LIG3: variants seen among roughly 807,000 people sequenced by gnomAD.
LIG3 encodes DNA ligase 3.
A neutral mutation model predicts 110.9 loss-of-function variants in LIG3; 58 were observed. The ratio of observed to expected loss-of-function variants is 0.52; its 90% CI spans 0.42 to 0.65. The LOEUF (loss-of-function observed/expected upper bound fraction) is 0.65. LIG3 is among the 30% of genes least tolerant of loss of function. The pLI is 0.00. For missense variants in LIG3, 1,094 were observed against 1,273.8 expected (o/e 0.86, Z 2.15); for synonymous variants, 422 against 472.8 (o/e 0.89, Z 1.39).
In LIG3 at chr17:35,004,421, G is replaced by T. The variant is rs1273461040; in HGVS notation, c.2945G>T (p.Arg982Met). The T allele has an allele frequency of 6.2e-7, 1 of 1,614,104 alleles. No individual in the cohort carries two copies. Among genetic ancestry groups the T allele is most frequent in the Non-Finnish European group, 8.5e-7 (1 of 1,180,058 alleles). ...MTSATHVLGS[R>M]DKNPAAQQVS... ...TCAGCCACGCACGTGCTGGGTAGCA[G>T]GGACAAGAACCCTGCGGCCCAGCAG... The change falls in exon 20 of 20, where the codon AGG becomes ATG. Residue 982 changes from arginine (R) to methionine (M), a missense_variant. Transcript: ENST00000378526.
At position 34,994,381 on chromosome 17, in the gene LIG3, G is replaced by A. The variant is rs2090757033; in HGVS notation, c.1561G>A (p.Asp521Asn). 1 of 1,614,158 alleles carries A rather than the reference G, an allele frequency of 6.2e-7. No homozygotes were observed. Among genetic ancestry groups the A allele is most frequent in the Non-Finnish European group, 8.5e-7 (1 of 1,180,028 alleles). ...GCGAGTCCAGGTGCATAAGAATGGA[G>A]ACCACTTCAGCTACTTCAGCCGCAG... Reference protein sequence around the residue: ...GERVQVHKNGDHFSYFSRSLK... With the variant: ...GERVQVHKNGNHFSYFSRSLK... Residue 521 changes from aspartate to asparagine, a missense_variant, in exon 9 of 20, where the codon GAC becomes AAC. Asp to Asn is a conservative substitution (Grantham distance 23, BLOSUM62 1). Coordinates refer to ENST00000378526, the MANE Select transcript of LIG3 (RefSeq NM_013975.4).
At position 34,990,973 on chromosome 17, in the gene LIG3, C is replaced by T. The variant is rs201809624; in HGVS notation, c.900C>T (p.His300=). Residue 300 remains histidine, a synonymous_variant, in exon 5 of 20, where the codon CAC becomes CAT. Transcript: ENST00000378526. ...TCCTTCTGTCTCCAGATGGTTTCCA[C>T]GGTGATGTGTACCTAACAGTGAAGC... is the stretch of plus-strand genomic sequence containing the variant. ...LRKGSAGDGF[H]GDVYLTVKLL... is the part of the protein sequence containing the mutation. The T allele has an allele frequency of 1.3e-5, 21 of 1,613,860 alleles. No individual in the cohort carries two copies. Among genetic ancestry groups the T allele is most frequent in the East Asian group, 6.7e-5 (3 of 44,884 alleles).
Position 34,983,148 on chromosome 17 carries a change from C to T in LIG3, c.143C>T (p.Pro48Leu), listed in dbSNP as rs776944632. The change falls in exon 2 of 20, where the codon CCC becomes CTC. Residue 48 changes from proline (P) to leucine (L), a missense_variant. Transcript: ENST00000378526. The stretch of plus-strand genomic sequence containing the variant: ...GAAACAGATCTGCTTCATGGACATC[C>T]CCTCTTCCTGAGAAGAAAGCCTGTT... ...WSETDLLHGH[P>L]LFLRRKPVLS... is the part of the protein sequence containing the mutation. The T allele has an allele frequency of 6.2e-7, 1 of 1,614,144 alleles. No homozygotes were observed. Among genetic ancestry groups the T allele is most frequent in the Non-Finnish European group, 8.5e-7 (1 of 1,180,024 alleles).
chr17:35,010,811 T>G (rs2090933261), downstream of LIG3: 1 of 150,894 alleles, frequency 6.6e-6, no homozygotes, highest in African/African-American at 2.4e-5. Flanking sequence ...GGAAAGGGAA[T>G]GAAAGTAGGG....
chr17:34,992,815 G>A, intron 8 of LIG3, 123 bp downstream of exon 8: 1 of 973,732 alleles, frequency 1.0e-6, no homozygotes, highest in Non-Finnish European at 1.4e-6. Context: ...TTTAGGGAAG[G>A]AAGAGGGAGG....
In LIG3 at chr17:35,005,854, AAAG is replaced by A; in HGVS notation, c.*1351_*1353del. 1 of 393,456 alleles carries A rather than the reference AAAG, an allele frequency of 2.5e-6. No homozygotes were observed. Among genetic ancestry groups the A allele is most frequent in the South Asian group, 2.1e-5 (1 of 48,290 alleles). The allele number at this position is 393,456 out of a possible 1,614,324, so 24.4% of individuals were successfully genotyped here. On this transcript the variant is annotated 3_prime_UTR_variant, in exon 20 of 20. Transcript: ENST00000378526. The stretch of plus-strand genomic sequence containing the variant: ...TGGGAAAGAATGAAGAGCAGCAGTA[AAAG>A]AAATACCTAGCGAAAAAAACAGGAA...
At chr17:34,995,044 A>T (rs1183173399) in intron 9 of LIG3, among the ~76,000 whole-genome samples, 1 of 152,042 alleles carries the variant, frequency 6.6e-6, no homozygotes, top group Non-Finnish European at 1.5e-5. Context: ...AGCCTTTGGG[A>T]GTGTCTTCAG....
chr17:34,983,329 C>T lies in LIG3; in HGVS notation c.324C>T (p.Cys108=), dbSNP rs1356315522. 6.2e-7 allele frequency: 1 copy of T among 1,614,206 alleles called. No homozygotes were observed. The highest frequency in any genetic ancestry group is 8.5e-7 in the Non-Finnish European group (1 of 1,180,038). Reference sequence around the variant, plus strand: ...GTGGCACAGCTGGCTGCAAAAAATGCAAGGAAAAGATTGTGAAGGGCGTAT... The same window carrying T: ...GTGGCACAGCTGGCTGCAAAAAATGTAAGGAAAAGATTGTGAAGGGCGTAT... ...AKRGTAGCKK[C]KEKIVKGVCR... is the part of the protein sequence containing the mutation. Residue 108 remains cysteine, a synonymous_variant, in exon 2 of 20, where the codon TGC becomes TGT. Coordinates refer to ENST00000378526, the MANE Select transcript of LIG3 (RefSeq NM_013975.4).
In LIG3 at chr17:34,986,055, T is replaced by C; in HGVS notation, c.615T>C (p.Thr205=). The change falls in exon 3 of 20, where the codon ACT becomes ACC. Residue 205 remains threonine, a synonymous_variant. Coordinates refer to ENST00000378526, the MANE Select transcript of LIG3 (RefSeq NM_013975.4). ...TTGTCCAGGCTAAGTTGACAACCAC[T>C]GGCCAGGTGACTTCTCCAGTGAAAG... ...KAVVQAKLTT[T]GQVTSPVKGA... The C allele has an allele frequency of 6.2e-7, 1 of 1,614,184 alleles. No homozygotes were observed. Among genetic ancestry groups the C allele is most frequent in the Non-Finnish European group, 8.5e-7 (1 of 1,180,008 alleles).
Position 34,992,530 on chromosome 17 carries a change from C to T in LIG3, c.1293C>T (p.Asp431=), listed in dbSNP as rs562460258. 8.3e-5 allele frequency: 131 copies of T among 1,586,908 alleles called. No individual in the cohort carries two copies. Among genetic ancestry groups the T allele is most frequent in the Non-Finnish European group, 1.0e-4 (118 of 1,167,874 alleles). The change falls in exon 8 of 20, where the codon GAC becomes GAT. Residue 431 remains aspartate, a synonymous_variant. Transcript: ENST00000378526. ...TTCCTGTACCCCTTGGCAGGTTAGA[C>T]GCCCTTGACCCCAATGCCTATGAAG... ...KMNSGAKHVL[D]ALDPNAYEAF...
chr17:34,992,589 T>C lies in LIG3; in HGVS notation c.1352T>C (p.Val451Ala), dbSNP rs2090735368. The change falls in exon 8 of 20, where the codon GTG becomes GCG. Residue 451 changes from valine (V) to alanine (A), a missense_variant. Val to Ala is a moderately conservative substitution (Grantham distance 64, BLOSUM62 0). Coordinates refer to ENST00000378526, the MANE Select transcript of LIG3 (RefSeq NM_013975.4). ...GCCTCGCGCAACCTGCAGGATGTGG[T>C]GGAGCGGGTCCTTCACAACGCGCAG... ...FKASRNLQDV[V>A]ERVLHNAQEV... The C allele has an allele frequency of 6.2e-7, 1 of 1,613,820 alleles. No individual in the cohort carries two copies. Among genetic ancestry groups the C allele is most frequent in the Non-Finnish European group, 8.5e-7 (1 of 1,179,878 alleles).
chr17:35,004,756 T>C lies in LIG3; in HGVS notation c.*250T>C. 1 of 484,256 alleles carries C rather than the reference T, an allele frequency of 2.1e-6. No homozygotes were observed. Among genetic ancestry groups the C allele is most frequent in the Non-Finnish European group, 3.7e-6 (1 of 273,064 alleles). 30.0% of individuals were successfully genotyped at this position (484,256 alleles called of 1,614,324 possible). A position where few individuals can be genotyped will look rare whatever the true frequency, so the allele number is the denominator to read the frequency against. On this transcript the variant is annotated 3_prime_UTR_variant, in exon 20 of 20. Transcript: ENST00000378526. ...TGGGTTTGCCATCTTTTTGTTTTCT[T>C]TGAAAAGCAGCTTAGTTACCCTTTT...
chr17:34,999,374 C>T lies in LIG3; in HGVS notation c.2181C>T (p.Thr727=). 6.2e-7 allele frequency: 1 copy of T among 1,614,108 alleles called. No individual in the cohort carries two copies. The highest frequency in any genetic ancestry group is 8.5e-7 in the Non-Finnish European group (1 of 1,179,980). ...GCAGCCAGAAGTGGTGCACAGTCAC[C>T]AAGTGTGCAGGAGGCCATGATGATG... is the stretch of plus-strand genomic sequence containing the variant. ...DPGSQKWCTV[T]KCAGGHDDAT... Residue 727 remains threonine, a synonymous_variant, in exon 15 of 20, where the codon ACC becomes ACT. Coordinates refer to ENST00000378526, the MANE Select transcript of LIG3 (RefSeq NM_013975.4).
intron 10 of LIG3, 179 bp from the exon 11 acceptor site, chr17:34,996,393 ACT>A: frequency 1.3e-6 from 1 of 797,814 alleles, no homozygotes; most frequent in South Asian, 1.8e-5. Context: ...CCAGTTTATA[ACT>A]GGGTTGGTTT....
chr17:34,988,635 T>C (rs1242668142), intron 3 of LIG3, among the ~76,000 whole-genome samples: 1 of 152,224 alleles, frequency 6.6e-6, no homozygotes, highest in African/African-American at 2.4e-5. Context: ...TGACCACCTT[T>C]TGTAAAAATG....
At chr17:35,009,969 G>A (rs545197112), downstream of LIG3, 3 of 152,766 alleles carry the variant, frequency 2.0e-5, no homozygotes, top group East Asian at 3.9e-4. Flanking sequence ...GGAAAGGGAT[G>A]TCTTCATGAG....
At chr17:34,980,826 A>G (rs1297588235) in intron 1 of LIG3, 1 of 163,686 alleles carries the variant, frequency 6.1e-6, no homozygotes, top group Non-Finnish European at 1.3e-5. Flanking sequence ...CGGGACCCCC[A>G]CGGGGCCGCG....
Position 34,999,400 on chromosome 17 carries a change from C to T in LIG3, c.2207C>T (p.Ala736Val). 6.2e-7 allele frequency: 1 copy of T among 1,614,068 alleles called. No homozygotes were observed. Among genetic ancestry groups the T allele is most frequent in the Admixed American group, 1.7e-5 (1 of 60,014 alleles). ...AAGTGTGCAGGAGGCCATGATGATG[C>T]CACGCTTGCCCGCCTGCAGAATGAA... ...VTKCAGGHDD[A>V]TLARLQNELD... Residue 736 changes from alanine (A) to valine (V), a missense_variant, in exon 15 of 20, where the codon GCC becomes GTC. Coordinates refer to ENST00000378526, the MANE Select transcript of LIG3 (RefSeq NM_013975.4).
intron 9 of LIG3, 120 bp from the exon 10 acceptor site, chr17:34,995,944 A>G: frequency 7.9e-7 from 1 of 1,272,954 alleles, no homozygotes; most frequent in Non-Finnish European, 1.1e-6. Flanking sequence ...TTTGCACATT[A>G]GCTGGGCCTT....
Sources: gnomAD v4.1 joint callset for allele counts (sites outside exome capture counted in the v4.1 genomes callset) on GRCh38, gnomAD v4.1.1 for gene constraint, MANE v1.5 for transcripts, NCBI Gene and HGNC (gene_info 2026-07-23, HGNC 2026-07-21) for gene names.